The following CEACAM19 variants were observed in gnomAD, a reference collection of about 807,000 sequenced individuals.
The protein encoded by CEACAM19 is CEA cell adhesion molecule 19.
Under a neutral mutation model 37.6 loss-of-function variants are expected in CEACAM19, and 37 were observed. The ratio of observed to expected loss-of-function variants is 0.98; its 90% CI spans 0.76 to 1.29. The LOEUF (loss-of-function observed/expected upper bound fraction) is 1.29. Among genes scored for constraint, CEACAM19 ranks in the 50% most tolerant of loss-of-function variants. The probability of loss-of-function intolerance (pLI) is 0.00; values close to 1 mark genes in which losing one functional copy is unlikely to be tolerated. For missense variants in CEACAM19, 340 were observed against 375.6 expected (o/e 0.91, Z 0.78); for synonymous variants, 140 against 149.8 (o/e 0.93, Z 0.48).
At chr19:44,667,769 T>TA (rs1973752704), upstream of CEACAM19, among the ~76,000 whole-genome samples, 1 of 74,762 alleles carries the variant, frequency 1.3e-5, no homozygotes, top group Admixed American at 2.5e-4. Flanking sequence ...TTATATATAT[T>TA]TATATATAAT....
In CEACAM19 at chr19:44,671,857, G is replaced by C; in HGVS notation, c.-75G>C. On this transcript the variant is annotated 5_prime_UTR_variant, in exon 1 of 8. Coordinates refer to ENST00000358777, the MANE Select transcript of CEACAM19 (RefSeq NM_001127893.3). ...ATCCCCACTGAGCTGGCCTACTTCAGACAGCCAGGGCCCACCCCTCTGGCC... is the reference window on the plus strand; with the variant it reads ...ATCCCCACTGAGCTGGCCTACTTCACACAGCCAGGGCCCACCCCTCTGGCC... 1 of 1,392,728 alleles carries C rather than the reference G, an allele frequency of 7.2e-7. No individual in the cohort carries two copies. The highest frequency in any genetic ancestry group is 2.5e-5 in the East Asian group (1 of 40,668). 86.3% of individuals were successfully genotyped at this position (1,392,728 alleles called of 1,614,324 possible).
Position 44,683,559 on chromosome 19 carries a change from A to T in CEACAM19, c.*69A>T. ...CCCTCCTCTGGGAGCCTCACACCTG[A>T]GACCAGCAGGACAAGGCCATTGGGG... On this transcript the variant is annotated 3_prime_UTR_variant, in exon 8 of 8. Transcript: ENST00000358777. 9.6e-7 allele frequency: 1 copy of T among 1,040,856 alleles called. No homozygotes were observed. The allele number at this position is 1,040,856 out of a possible 1,614,324, so 64.5% of individuals were successfully genotyped here. A position where few individuals can be genotyped will look rare whatever the true frequency, so the allele number is the denominator to read the frequency against.
upstream of CEACAM19, among the ~76,000 whole-genome samples, chr19:44,667,786 ATATATATAAATTATATAATTTATATAT>A (rs1436646421): frequency 5.4e-4 from 39 of 72,008 alleles, no homozygotes; most frequent in Admixed American, 4.6e-3. Flanking sequence ...TAATATATAA[ATATATATAAATTATATAATTTATATAT>A]TATATATAAA....
chr19:44,678,674 G>C, intron 3 of CEACAM19, 179 bp from the exon 4 acceptor site: 1 of 810,612 alleles, frequency 1.2e-6, no homozygotes, highest in East Asian at 3.2e-5. Context: ...GCCTCCCAAA[G>C]TGTTGGGATT....
chr19:44,679,814 C>T (rs909211744), intron 4 of CEACAM19, among the ~76,000 whole-genome samples: 68 of 151,422 alleles, frequency 4.5e-4, no homozygotes, highest in African/African-American at 1.6e-3. Flanking sequence ...CCTGTAATCC[C>T]AGCTACTTGG....
rs772163241 is a variant in CEACAM19 at position 44,672,828 on chromosome 19, G to A, written c.288G>A (p.Gln96=). ...AGAGGGATGGCAGTGCCATGGGACA[G>A]CGAGACATCGTGGGCTTCCCCAATG... The part of the protein sequence containing the change: ...RPQRDGSAMG[Q]RDIVGFPNGS... The change falls in exon 2 of 8, where the codon CAG becomes CAA. Residue 96 remains glutamine, a synonymous_variant. Coordinates refer to ENST00000358777, the MANE Select transcript of CEACAM19 (RefSeq NM_001127893.3). 3.7e-6 allele frequency: 6 copies of A among 1,601,246 alleles called. No homozygotes were observed. In the South Asian group the frequency reaches 6.7e-5, roughly 18 times the overall value.
At position 44,683,459 on chromosome 19, in the gene CEACAM19, C is replaced by T. The variant is rs367917474; in HGVS notation, c.869C>T (p.Ala290Val). The change falls in exon 8 of 8, where the codon GCC becomes GTC. Residue 290 changes from alanine to valine, a missense_variant. Transcript: ENST00000358777. Reference sequence around the variant, plus strand: ...CAGGACCTGCTAAACCCCGACCCTGCCCCCTACTGCCAGCTGGTGCCAACT... The same window carrying T: ...CAGGACCTGCTAAACCCCGACCCTGTCCCCTACTGCCAGCTGGTGCCAACT... Reference protein sequence around the residue: ...QYQDLLNPDPAPYCQLVPTS With the variant: ...QYQDLLNPDPVPYCQLVPTS 2 of 1,564,792 alleles carry T rather than the reference C, an allele frequency of 1.3e-6. No individual in the cohort carries two copies. Among genetic ancestry groups the T allele is most frequent in the Non-Finnish European group, 1.7e-6 (2 of 1,152,472 alleles).
upstream of CEACAM19, among the ~76,000 whole-genome samples, chr19:44,667,851 A>T (rs1396767455): frequency 2.8e-5 from 2 of 70,844 alleles, no homozygotes; most frequent in Non-Finnish European, 4.7e-5. Flanking sequence ...AATATATACA[A>T]TATATATAAA....
At chr19:44,675,540 C>G (rs1018225127) in intron 2 of CEACAM19, among the ~76,000 whole-genome samples, 4 of 152,084 alleles carry the variant, frequency 2.6e-5, no homozygotes, top group Non-Finnish European at 5.9e-5. Context: ...AATCCCAACA[C>G]TTTGGGAGAC....
At chr19:44,681,927 T>TC (rs1159224009) in intron 6 of CEACAM19, among the ~76,000 whole-genome samples, 1 of 139,712 alleles carries the variant, frequency 7.2e-6, no homozygotes, top group African/African-American at 3.1e-5. Context: ...CGAGACTCCA[T>TC]CCCAAAAAAA....
chr19:44,672,100 A>C (rs1055953688), intron 1 of CEACAM19, 114 bp downstream of exon 1: 5 of 854,982 alleles, frequency 5.8e-6, no homozygotes, highest in Non-Finnish European at 9.4e-6. Context: ...AATTAGAATA[A>C]GATGGGGGAG....
chr19:44,681,356 GGCGCCTC>G lies in CEACAM19; in HGVS notation c.792+45_792+51del, dbSNP rs755191365. 9.5e-6 allele frequency: 13 copies of G among 1,368,594 alleles called. No homozygotes were observed. The East Asian group carries it at 3.0e-4, about 32-fold the overall frequency. 84.8% of individuals were successfully genotyped at this position (1,368,594 alleles called of 1,614,324 possible). A position where few individuals can be genotyped will look rare whatever the true frequency, so the allele number is the denominator to read the frequency against. Reference sequence around the variant, plus strand: ...CTCTCCCCTGAAGCCAATGCTAACAGGCGCCTCCTCTCTGAGCTGGCTGTGGTCCTCT... The same window carrying G: ...CTCTCCCCTGAAGCCAATGCTAACAGCTCTCTGAGCTGGCTGTGGTCCTCT... On this transcript the variant is annotated intron_variant, in intron 6 of 7. Transcript: ENST00000358777.
At position 44,672,806 on chromosome 19, in the gene CEACAM19, G is replaced by A. The variant is rs1203473708; in HGVS notation, c.266G>A (p.Arg89Lys). The change falls in exon 2 of 8, where the codon AGG (arginine) becomes AAG (lysine). Residue 89 changes from arginine to lysine, a missense_variant. Coordinates refer to ENST00000358777, the MANE Select transcript of CEACAM19 (RefSeq NM_001127893.3). Reference sequence around the variant, plus strand: ...ATCCCTGGGATACAACGGCCTCAGAGGGATGGCAGTGCCATGGGACAGCGA... The same window carrying A: ...ATCCCTGGGATACAACGGCCTCAGAAGGATGGCAGTGCCATGGGACAGCGA... ...TYIPGIQRPQ[R>K]DGSAMGQRDI... The A allele has an allele frequency of 1.1e-5, 18 of 1,596,126 alleles. No individual in the cohort carries two copies. The highest frequency in any genetic ancestry group is 1.5e-5 in the Non-Finnish European group (17 of 1,170,064).
At chr19:44,670,412 T>G (rs1311695530), upstream of CEACAM19, among the ~76,000 whole-genome samples, 1 of 151,706 alleles carries the variant, frequency 6.6e-6, no homozygotes, top group Admixed American at 6.6e-5. Context: ...CAGTGGCTCA[T>G]GCCTATACTC....
rs373641022 is a variant in CEACAM19, at chr19:44,681,259, C to G, written c.739C>G (p.Pro247Ala). Residue 247 changes from proline (P) to alanine (A), a missense_variant, in exon 6 of 8, where the codon CCA (proline) becomes GCA (alanine). By Grantham distance (27) the Pro-to-Ala change is conservative. Transcript: ENST00000358777. ...DNNIYEVMPS[P>A]VLLVSPISDT... ...CAACATCTATGAAGTGATGCCCTCT[C>G]CAGTCCTCCTGGTGTCCCCCATCAG... 1.2e-6 allele frequency: 2 copies of G among 1,614,016 alleles called. No homozygotes were observed. The highest frequency in any genetic ancestry group is 2.7e-5 in the African/African-American group (2 of 74,932).
rs142350602 is a variant in CEACAM19 at position 44,683,452 on chromosome 19, G to A, written c.862G>A (p.Asp288Asn). 149 of 1,557,254 alleles carry A rather than the reference G, an allele frequency of 9.6e-5. 1 individual carries two copies. In the Middle Eastern group the frequency reaches 2.5e-3, roughly 27 times the overall value. ...NHQYQDLLNP[D>N]PAPYCQLVPT... ...CCCCAAGCAGGACCTGCTAAACCCC[G>A]ACCCTGCCCCCTACTGCCAGCTGGT... Residue 288 changes from aspartate to asparagine, a missense_variant, in exon 8 of 8, where the codon GAC (aspartate) becomes AAC (asparagine). Physicochemically the swap from Asp to Asn is conservative, Grantham distance 23. Transcript: ENST00000358777.
At chr19:44,665,911 C>G (rs1463763131) in intron 1 of CEACAM19, 1 of 152,274 alleles carries the variant, frequency 6.6e-6, no homozygotes, top group East Asian at 1.9e-4. Flanking sequence ...TCTCATTCAC[C>G]AGCGCCGCCC....
rs1314856982 is a variant in CEACAM19 at position 44,682,607 on chromosome 19, A to G, written c.833A>G (p.Asn278Ser). The change falls in exon 7 of 8, where the codon AAC (asparagine) becomes AGC (serine). Residue 278 changes from asparagine to serine, a missense_variant. By Grantham distance (46) the Asn-to-Ser change is conservative (BLOSUM62 1). Coordinates refer to ENST00000358777, the MANE Select transcript of CEACAM19 (RefSeq NM_001127893.3). ...CCACACCTGCAGGCGGAGCCAGAGA[A>G]CCACCAGTACCAGGTATGGAGCTGG... ...TPPHLQAEPE[N>S]HQYQDLLNPD... The G allele has an allele frequency of 1.9e-6, 3 of 1,604,326 alleles. No homozygotes were observed. Among genetic ancestry groups the G allele is most frequent in the Admixed American group, 3.4e-5 (2 of 58,806 alleles).
chr19:44,674,655 G>A lies in CEACAM19; in HGVS notation c.425-1616G>A, dbSNP rs886116339. On this transcript the variant is annotated intron_variant, in intron 2 of 7. Coordinates refer to ENST00000358777, the MANE Select transcript of CEACAM19 (RefSeq NM_001127893.3). The stretch of plus-strand genomic sequence containing the variant: ...TGAGCTCAGGCAATCCACCCACCTC[G>A]GCCTCCCAAAGTGCTGGGATTACAG... Among the ~76,000 whole-genome samples the A allele has an allele frequency of 5.3e-5, 8 of 151,958 alleles. 1 individual carries two copies. Among genetic ancestry groups the A allele is most frequent in the African/African-American group, 1.2e-4 (5 of 41,370 alleles).
Sources: gnomAD v4.1 joint callset for allele counts (sites outside exome capture counted in the v4.1 genomes callset) on GRCh38, gnomAD v4.1.1 for gene constraint, MANE v1.5 for transcripts, NCBI Gene and HGNC (gene_info 2026-07-23, HGNC 2026-07-21) for gene names.